Variants in GSKIP observed in about 807,000 individuals in gnomAD.
GSKIP encodes the protein GSK3B-interacting protein.
A neutral mutation model predicts 11.9 loss-of-function variants in GSKIP; 5 were observed. The observed-to-expected ratio is 0.42, with a 90% CI of 0.22 to 0.89. The LOEUF (loss-of-function observed/expected upper bound fraction) is 0.89, where lower values mean the gene tolerates loss of function less well. Among genes scored for constraint, GSKIP ranks in the 40% least tolerant of loss-of-function variants. GSKIP has a pLI of 0.29. For missense variants in GSKIP, 150 were observed against 166.6 expected (o/e 0.90, Z 0.55); for synonymous variants, 70 against 62.9 (o/e 1.11, Z -0.54).
chr14:96,369,417 A>C (rs1888984845), intron 1 of GSKIP, among the ~76,000 whole-genome samples: 2 of 152,240 alleles, frequency 1.3e-5, no homozygotes, highest in Non-Finnish European at 1.5e-5. Context: ...GCTAATAGCC[A>C]AGACAATGGG....
At chr14:96,364,132 C>G (rs925531614) in intron 1 of GSKIP, 1 of 152,310 alleles carries the variant, frequency 6.6e-6, no homozygotes, top group Non-Finnish European at 1.5e-5. Context: ...TTGGGCTGTT[C>G]TGGCAGTCTG....
chr14:96,365,157 T>G (rs1206571025), intron 1 of GSKIP: 1 of 151,860 alleles, frequency 6.6e-6, no homozygotes, highest in African/African-American at 2.4e-5. Flanking sequence ...ATACAATAAA[T>G]GAGTGAATAA....
At chr14:96,366,745 T>C (rs1220600779) in intron 1 of GSKIP, among the ~76,000 whole-genome samples, 1 of 152,014 alleles carries the variant, frequency 6.6e-6, no homozygotes, top group African/African-American at 2.4e-5. Flanking sequence ...AATAATAAAT[T>C]TTAAAAAAGA....
At chr14:96,383,523 CTG>C (rs1379553841) in intron 3 of GSKIP, among the ~76,000 whole-genome samples, 5 of 152,138 alleles carry the variant, frequency 3.3e-5, no homozygotes, top group African/African-American at 7.2e-5. Context: ...TCATACATTT[CTG>C]TGTTTCTATA....
intron 1 of GSKIP, among the ~76,000 whole-genome samples, chr14:96,373,156 G>C (rs1222696141): frequency 7.1e-6 from 1 of 140,350 alleles, no homozygotes; most frequent in African/African-American, 2.7e-5. Context: ...CATGAACCCA[G>C]AAGGCCCGGA....
chr14:96,386,579 C>T lies in GSKIP; in HGVS notation c.*895C>T, dbSNP rs1038100917. On this transcript the variant is annotated 3_prime_UTR_variant, in exon 4 of 4. Transcript: ENST00000555181. Reference sequence around the variant, plus strand: ...GTATTTTTGCTTCAACGTTTACTTTCTATGATGTAGTGCTTTGGTATTCCT... The same window carrying T: ...GTATTTTTGCTTCAACGTTTACTTTTTATGATGTAGTGCTTTGGTATTCCT... 1 of 152,604 alleles carries T rather than the reference C, an allele frequency of 6.6e-6. No individual in the cohort carries two copies. The highest frequency in any genetic ancestry group is 2.4e-5 in the African/African-American group (1 of 41,448). 9.5% of individuals were successfully genotyped at this position (152,604 alleles called of 1,614,324 possible).
At chr14:96,371,097 A>G (rs1180233491) in intron 1 of GSKIP, among the ~76,000 whole-genome samples, 2 of 152,248 alleles carry the variant, frequency 1.3e-5, no homozygotes, top group East Asian at 1.9e-4. Context: ...AACAGATTAA[A>G]TGTTATGTGT....
intron 1 of GSKIP, among the ~76,000 whole-genome samples, chr14:96,368,183 T>TC (rs1888947963): frequency 7.0e-6 from 1 of 142,872 alleles, no homozygotes; most frequent in African/African-American, 2.6e-5. Flanking sequence ...GTATTGCTAC[T>TC]CTTTTTTTTT....
intron 1 of GSKIP, among the ~76,000 whole-genome samples, chr14:96,366,780 T>C (rs1418446426): frequency 6.6e-6 from 1 of 152,190 alleles, no homozygotes; most frequent in Non-Finnish European, 1.5e-5. Flanking sequence ...CCGAATATTG[T>C]CAGCTTATTA....
At chr14:96,369,007 T>C (rs1298362018) in intron 1 of GSKIP, among the ~76,000 whole-genome samples, 1 of 152,222 alleles carries the variant, frequency 6.6e-6, no homozygotes, top group East Asian at 1.9e-4. Context: ...ACCAAAATGC[T>C]GATAGAAATA....
chr14:96,384,208 G>A (rs1427892614), intron 3 of GSKIP, among the ~76,000 whole-genome samples: 2 of 152,128 alleles, frequency 1.3e-5, no homozygotes, highest in Admixed American at 6.6e-5. Context: ...ACTATCCTGT[G>A]TCAGCAATTG....
chr14:96,378,778 T>C (rs547730595), intron 1 of GSKIP, among the ~76,000 whole-genome samples: 7 of 152,382 alleles, frequency 4.6e-5, no homozygotes, highest in Admixed American at 2.0e-4. Flanking sequence ...CCTTTCATTA[T>C]GGGTAGACTC....
intron 1 of GSKIP, among the ~76,000 whole-genome samples, chr14:96,370,696 G>A (rs1420214814): frequency 2.0e-5 from 3 of 152,166 alleles, no homozygotes; most frequent in Non-Finnish European, 4.4e-5. Context: ...CTGACTGTGT[G>A]ATCTTCACAC....
chr14:96,369,650 T>G (rs567935150), intron 1 of GSKIP, among the ~76,000 whole-genome samples: 1 of 152,258 alleles, frequency 6.6e-6, no homozygotes, highest in African/African-American at 2.4e-5. Flanking sequence ...AGCTTCTATG[T>G]GTTGTTAGGA....
At chr14:96,383,130 C>T (rs1434787156) in intron 3 of GSKIP, among the ~76,000 whole-genome samples, 1 of 152,120 alleles carries the variant, frequency 6.6e-6, no homozygotes, top group Non-Finnish European at 1.5e-5. Context: ...AAACTATAGG[C>T]CAGACCTGCG....
At chr14:96,374,197 A>C (rs1889135723) in intron 1 of GSKIP, among the ~76,000 whole-genome samples, 1 of 152,214 alleles carries the variant, frequency 6.6e-6, no homozygotes, top group Non-Finnish European at 1.5e-5. Flanking sequence ...ATACTGAAGA[A>C]AAGACTAACA....
At chr14:96,378,531 C>T (rs1288215074) in intron 1 of GSKIP, among the ~76,000 whole-genome samples, 2 of 152,190 alleles carry the variant, frequency 1.3e-5, no homozygotes, top group African/African-American at 4.8e-5. Flanking sequence ...TTAGACTTCT[C>T]ATCTCCAGAA....
At chr14:96,384,218 G>A (rs558467982) in intron 3 of GSKIP, among the ~76,000 whole-genome samples, 4 of 152,162 alleles carry the variant, frequency 2.6e-5, no homozygotes, top group Admixed American at 2.0e-4. Flanking sequence ...GTCAGCAATT[G>A]AAAATCAAAC....
At chr14:96,384,395 A>T (rs1015873434) in intron 3 of GSKIP, among the ~76,000 whole-genome samples, 6 of 137,614 alleles carry the variant, frequency 4.4e-5, no homozygotes, top group Non-Finnish European at 8.2e-5. Flanking sequence ...CTTTTCATTT[A>T]AAAAAAAAAA....
Sources: allele counts gnomAD v4.1 joint callset (sites outside exome capture counted in the v4.1 genomes callset), GRCh38; gene constraint gnomAD v4.1.1; transcripts MANE v1.5; gene names NCBI Gene and HGNC (gene_info 2026-07-23, HGNC 2026-07-21).